The following RNF214 variants were observed in gnomAD, a reference collection of about 807,000 sequenced individuals.
RNF214 encodes ring finger protein 214.
A neutral mutation model predicts 75.9 loss-of-function variants in RNF214; 25 were observed. The ratio of observed to expected loss-of-function variants is 0.33; its 90% CI spans 0.24 to 0.46. The LOEUF (loss-of-function observed/expected upper bound fraction) is 0.46, where lower values mean the gene tolerates loss of function less well. Ranked by LOEUF, RNF214 falls within the 20% of genes least tolerant of loss-of-function variation. The pLI is 1.00. For synonymous variants in RNF214, 314 were observed against 308.8 expected, an observed-to-expected ratio of 1.02 and a Z score of -0.18; for missense variants, 725 against 857.5, an observed-to-expected ratio of 0.85 and a Z score of 1.93.
At chr11:117,279,575 G>C (rs1367467688) in intron 6 of RNF214, among the ~76,000 whole-genome samples, 6 of 152,082 alleles carry the variant, frequency 3.9e-5, no homozygotes, top group Non-Finnish European at 5.9e-5. Context: ...GATTTCAAGT[G>C]ATCTGCCCAT....
intron 6 of RNF214, among the ~76,000 whole-genome samples, chr11:117,278,348 T>C (rs1451785791): frequency 1.3e-5 from 2 of 152,186 alleles, no homozygotes; most frequent in African/African-American, 2.4e-5. Context: ...TTTCTTCTTA[T>C]TTTATTTTTA....
chr11:117,239,247 C>T (rs2033004274), intron 3 of RNF214, 136 bp downstream of exon 3: 15 of 792,266 alleles, frequency 1.9e-5, no homozygotes, highest in South Asian at 1.6e-4. Flanking sequence ...AACCATCATA[C>T]TACTCTCATA....
intron 4 of RNF214, among the ~76,000 whole-genome samples, chr11:117,241,177 C>G (rs1171308383): frequency 1.3e-5 from 2 of 151,322 alleles, no homozygotes; most frequent in African/African-American, 2.4e-5. Context: ...GAGACTCTCT[C>G]AAAAACAAAC....
chr11:117,274,350 T>TGAC (rs2134411407), intron 6 of RNF214, among the ~76,000 whole-genome samples: 1 of 138,926 alleles, frequency 7.2e-6, no homozygotes, highest in South Asian at 2.3e-4. Context: ...GGAAAACAAA[T>TGAC]GACTTCTTTT....
At chr11:117,251,557 C>A (rs1157439652) in intron 6 of RNF214, among the ~76,000 whole-genome samples, 8 of 150,440 alleles carry the variant, frequency 5.3e-5, no homozygotes, top group Non-Finnish European at 1.0e-4. Context: ...CCGGACGGGG[C>A]GGCTGGCCGG....
At chr11:117,267,021 C>T (rs1362090853) in intron 6 of RNF214, among the ~76,000 whole-genome samples, 2 of 149,782 alleles carry the variant, frequency 1.3e-5, no homozygotes, top group East Asian at 2.0e-4. Flanking sequence ...GTGGCTCATG[C>T]GTGTAAACCC....
intron 6 of RNF214, among the ~76,000 whole-genome samples, chr11:117,261,785 A>G (rs2033668785): frequency 6.6e-6 from 1 of 151,430 alleles, no homozygotes; most frequent in Admixed American, 6.6e-5. Context: ...AGCTGGGATT[A>G]CTGGTGCCTG....
At chr11:117,258,318 G>A (rs879674646) in intron 6 of RNF214, among the ~76,000 whole-genome samples, 1 of 151,876 alleles carries the variant, frequency 6.6e-6, no homozygotes, top group Non-Finnish European at 1.5e-5. Context: ...CCACCCACTC[G>A]GCCTCCCAAA....
chr11:117,272,126 T>C (rs562754039), intron 6 of RNF214, among the ~76,000 whole-genome samples: 2 of 152,264 alleles, frequency 1.3e-5, no homozygotes, highest in East Asian at 3.9e-4. Context: ...CTTGGGAGGC[T>C]GAGGCAGGAG....
chr11:117,251,305 C>T (rs1238978328), intron 6 of RNF214, among the ~76,000 whole-genome samples: 2 of 106,598 alleles, frequency 1.9e-5, no homozygotes, highest in East Asian at 6.1e-4. Context: ...CAGAGGGGCT[C>T]CTCACTTCCC....
chr11:117,281,013 G>T (rs2034116765), intron 8 of RNF214, among the ~76,000 whole-genome samples: 1 of 143,982 alleles, frequency 6.9e-6, no homozygotes. Flanking sequence ...TAATGACAGG[G>T]TCTCCCTCTG....
At chr11:117,253,038 G>A (rs1217472378) in intron 6 of RNF214, among the ~76,000 whole-genome samples, 1 of 152,044 alleles carries the variant, frequency 6.6e-6, no homozygotes, top group African/African-American at 2.4e-5. Context: ...TTAGAAACAG[G>A]ATCTCACTCT....
Position 117,242,461 on chromosome 11 carries a change from C to T in RNF214, c.679-1984C>T, listed in dbSNP as rs756001001. Among the ~76,000 whole-genome samples, 6 of 152,100 alleles carry T rather than the reference C, an allele frequency of 3.9e-5. No individual in the cohort carries two copies. The South Asian group carries it at 6.2e-4, about 16-fold the overall frequency. Reference sequence around the variant, plus strand: ...AACAGTCAAGTAGATGAAACAGGAACGAATGGAAACCCAGCAAGTTACTGG... The same window carrying T: ...AACAGTCAAGTAGATGAAACAGGAATGAATGGAAACCCAGCAAGTTACTGG... On this transcript the variant is annotated intron_variant, in intron 4 of 14. Transcript: ENST00000300650.
chr11:117,281,236 G>T, intron 8 of RNF214, 78 bp from the exon 9 acceptor site: 1 of 996,970 alleles, frequency 1.0e-6, no homozygotes, highest in South Asian at 1.3e-5. Context: ...GGCCTCTTGT[G>T]CTGGGATTAC....
In RNF214 at chr11:117,281,415, CTA is replaced by C; in HGVS notation, c.1236+13_1236+14del. 1 of 1,590,110 alleles carries C rather than the reference CTA, an allele frequency of 6.3e-7. No homozygotes were observed. Among genetic ancestry groups the C allele is most frequent in the Non-Finnish European group, 8.6e-7 (1 of 1,158,256 alleles). The stretch of plus-strand genomic sequence containing the variant: ...AAAAAGAATGTTCGTGTAAGTGTAT[CTA>C]TGAGTCATCATTCAGTCAGTGTTAG... On this transcript the variant is annotated intron_variant, in intron 9 of 14. Transcript: ENST00000300650.
At chr11:117,235,124 G>A (rs2032866017) in intron 2 of RNF214, among the ~76,000 whole-genome samples, 1 of 152,246 alleles carries the variant, frequency 6.6e-6, no homozygotes, top group African/African-American at 2.4e-5. Flanking sequence ...AGGTAAAAAA[G>A]TTTGTACATG....
chr11:117,271,128 G>A (rs894587844), intron 6 of RNF214, among the ~76,000 whole-genome samples: 7 of 152,058 alleles, frequency 4.6e-5, no homozygotes, highest in African/African-American at 1.4e-4. Flanking sequence ...TCAAACTCCT[G>A]TGTTCAAGTG....
intron 6 of RNF214, among the ~76,000 whole-genome samples, chr11:117,269,474 C>T (rs2033863246): frequency 6.6e-6 from 1 of 152,122 alleles, no homozygotes; most frequent in Non-Finnish European, 1.5e-5. Flanking sequence ...GTGATCCTCC[C>T]ACCTTAGCTT....
rs75654054 is a variant in RNF214, at chr11:117,280,604, C to T, written c.1145+345C>T. Among the ~76,000 whole-genome samples the T allele has an allele frequency of 5.7e-3, 870 of 152,134 alleles. 10 individuals are homozygous for T. Among genetic ancestry groups the T allele is most frequent in the Non-Finnish European group, 8.9e-3 (607 of 67,998 alleles). On this transcript the variant is annotated intron_variant, in intron 8 of 14. Coordinates refer to ENST00000300650, the MANE Select transcript of RNF214 (RefSeq NM_207343.4). ...GGAGGATCACTTGTGCCCAGGAGGC[C>T]GAGGCTGCAGTGAGCTTTGATGGCA... is the stretch of plus-strand genomic sequence containing the variant.
Sources: gnomAD v4.1 joint callset for allele counts (sites outside exome capture counted in the v4.1 genomes callset) on GRCh38, gnomAD v4.1.1 for gene constraint, MANE v1.5 for transcripts, NCBI Gene and HGNC (gene_info 2026-07-23, HGNC 2026-07-21) for gene names.